CFAP20DC: variants seen among roughly 807,000 people sequenced by gnomAD.
The protein encoded by CFAP20DC is protein CFAP20DC.
In CFAP20DC, 84 loss-of-function variants were observed where a neutral mutation model predicts 101.7. That is an observed-to-expected ratio of 0.83 (90% CI 0.69 to 0.99). The LOEUF (loss-of-function observed/expected upper bound fraction) is 0.99, where lower values mean the gene tolerates loss of function less well. Ranked by LOEUF, CFAP20DC falls within the 50% of genes least tolerant of loss-of-function variation. The pLI is 0.00. For missense variants in CFAP20DC, 1,007 were observed against 970.3 expected (o/e 1.04, Z -0.50); for synonymous variants, 359 against 351.2 (o/e 1.02, Z -0.25).
chr3:58,904,956 A>T (rs1364410373), intron 6 of CFAP20DC, among the ~76,000 whole-genome samples: 2 of 152,216 alleles, frequency 1.3e-5, no homozygotes, highest in East Asian at 3.8e-4. Flanking sequence ...CCAATCTTTA[A>T]TTCATTAATT....
At chr3:58,773,724 TTTTAA>T in intron 15 of CFAP20DC, among the ~76,000 whole-genome samples, 1 of 152,332 alleles carries the variant, frequency 6.6e-6, no homozygotes, top group South Asian at 2.1e-4. Context: ...GGTGCTAACT[TTTTAA>T]TTTAATTTTT....
At chr3:58,764,182 A>G (rs908764487) in intron 15 of CFAP20DC, among the ~76,000 whole-genome samples, 2 of 152,148 alleles carry the variant, frequency 1.3e-5, no homozygotes, top group Non-Finnish European at 2.9e-5. Context: ...AGTGGGCTCC[A>G]CCCAGTTTGA....
At chr3:58,862,715 A>G in intron 12 of CFAP20DC, 1 of 968,524 alleles carries the variant, frequency 1.0e-6, no homozygotes, top group Non-Finnish European at 1.2e-6. Context: ...AAGGTTTTCT[A>G]GTTATTTCTA....
rs193095343 is a variant in CFAP20DC at position 58,765,976 on chromosome 3, A to C, written c.2238-12113T>G. Among the ~76,000 whole-genome samples the C allele has an allele frequency of 5.2e-4, 79 of 152,278 alleles. 1 individual carries two copies. The highest frequency in any genetic ancestry group is 1.9e-3 in the African/African-American group (77 of 41,552). On this transcript the variant is annotated intron_variant, in intron 15 of 16. Coordinates refer to ENST00000482387, the MANE Select transcript of CFAP20DC (RefSeq NM_001394063.1). ...TACATAAATATCAAATTTTACTTCC[A>C]ATTTCAGGAGGTCAGAGATAGTCTA...
chr3:58,751,050 A>G (rs544402530), intron 16 of CFAP20DC, among the ~76,000 whole-genome samples: 15 of 152,210 alleles, frequency 9.9e-5, no homozygotes, highest in African/African-American at 2.9e-4. Flanking sequence ...AATAAAAAAA[A>G]GGACGAGTTA....
rs574284216 is a variant in CFAP20DC, at chr3:58,752,897, C to CT, written c.2332+871dup. On this transcript the variant is annotated intron_variant, in intron 16 of 16. Transcript: ENST00000482387. ...GCAATTTATATTGGTTTCACTCCCACTTTTTTTAAAGCTTCAGATATAACA... is the reference window on the plus strand; with the variant it reads ...GCAATTTATATTGGTTTCACTCCCACTTTTTTTTAAAGCTTCAGATATAACA... Among the ~76,000 whole-genome samples the CT allele has an allele frequency of 3.5e-4, 54 of 152,198 alleles. No individual in the cohort carries two copies. In the South Asian group the frequency reaches 0.011, roughly 30 times the overall value.
intron 12 of CFAP20DC, among the ~76,000 whole-genome samples, chr3:58,858,952 T>TCAAAGAA (rs1401339263): frequency 1.3e-5 from 2 of 152,196 alleles, no homozygotes; most frequent in Non-Finnish European, 2.9e-5. Context: ...ATTTCTTCTT[T>TCAAAGAA]GATGATAACA....
At chr3:58,742,690 A>G (rs972539343) in intron 16 of CFAP20DC, 118 bp from the exon 17 acceptor site, 5 of 604,600 alleles carry the variant, frequency 8.3e-6, no homozygotes, top group Non-Finnish European at 1.4e-5. Context: ...TGCAGGTAGA[A>G]GGTTTAGGCC....
chr3:58,890,986 G>A (rs1475129319), intron 6 of CFAP20DC, among the ~76,000 whole-genome samples: 20 of 146,564 alleles, frequency 1.4e-4, no homozygotes, highest in East Asian at 1.0e-3. Flanking sequence ...GACGATGGGC[G>A]GCCAGGCAGA....
At chr3:58,867,220 T>C (rs976656978) in intron 10 of CFAP20DC, among the ~76,000 whole-genome samples, 1 of 152,206 alleles carries the variant, frequency 6.6e-6, no homozygotes, top group Non-Finnish European at 1.5e-5. Context: ...CTAACAGATG[T>C]GTACATGATA....
At chr3:58,887,206 GTCA>G (rs1330072506) in intron 6 of CFAP20DC, 1 of 152,070 alleles carries the variant, frequency 6.6e-6, no homozygotes. Context: ...TCCATTCTTT[GTCA>G]TCAACATTTA....
intron 5 of CFAP20DC, among the ~76,000 whole-genome samples, chr3:58,931,614 A>C (rs1481220769): frequency 6.6e-6 from 1 of 152,220 alleles, no homozygotes; most frequent in Non-Finnish European, 1.5e-5. Context: ...TTCGCGGTTC[A>C]TGAAAATCTG....
At chr3:58,957,206 C>T (rs1263682160) in intron 4 of CFAP20DC, among the ~76,000 whole-genome samples, 1 of 152,082 alleles carries the variant, frequency 6.6e-6, no homozygotes, top group Non-Finnish European at 1.5e-5. Context: ...TTTGAACAAA[C>T]ATTTCTCAAA....
At chr3:59,019,490 A>C (rs572169291) in intron 4 of CFAP20DC, among the ~76,000 whole-genome samples, 1 of 152,016 alleles carries the variant, frequency 6.6e-6, no homozygotes, top group East Asian at 1.9e-4. Context: ...CTAGATTAGA[A>C]GATGAAAGCA....
At chr3:58,942,443 G>T (rs1483805404) in intron 4 of CFAP20DC, among the ~76,000 whole-genome samples, 3 of 152,158 alleles carry the variant, frequency 2.0e-5, no homozygotes, top group Non-Finnish European at 4.4e-5. Context: ...GCAGGGTGGG[G>T]CGTTGCCTCA....
chr3:59,045,001 C>A (rs536234057), intron 3 of CFAP20DC, among the ~76,000 whole-genome samples: 1 of 151,654 alleles, frequency 6.6e-6, no homozygotes. Flanking sequence ...CACACACACA[C>A]ACACACACAC....
At chr3:59,038,895 G>A (rs973962866) in intron 4 of CFAP20DC, among the ~76,000 whole-genome samples, 25 of 151,988 alleles carry the variant, frequency 1.6e-4, no homozygotes, top group Admixed American at 7.2e-4. Context: ...TAATTACAAA[G>A]AAGAATAAGA....
intron 12 of CFAP20DC, among the ~76,000 whole-genome samples, chr3:58,853,406 C>A (rs1442412350): frequency 2.0e-5 from 3 of 152,088 alleles, no homozygotes; most frequent in Non-Finnish European, 4.4e-5. Flanking sequence ...ACCAGAGGTA[C>A]AAGGAAGAAC....
intron 7 of CFAP20DC, among the ~76,000 whole-genome samples, chr3:58,875,229 T>G (rs776018422): frequency 1.8e-4 from 27 of 151,392 alleles, no homozygotes; most frequent in Non-Finnish European, 2.9e-4. Context: ...GACTTGGTTA[T>G]GTGTGCATAT....
Sources: gnomAD v4.1 joint callset for allele counts (sites outside exome capture counted in the v4.1 genomes callset) on GRCh38, gnomAD v4.1.1 for gene constraint, MANE v1.5 for transcripts, NCBI Gene and HGNC (gene_info 2026-07-23, HGNC 2026-07-21) for gene names.